Variants in FER1L6 observed in about 807,000 individuals in gnomAD.
FER1L6 encodes fer-1 like family member 6.
In FER1L6, 177 loss-of-function variants were observed where a neutral mutation model predicts 219.2. The ratio of observed to expected loss-of-function variants is 0.81; its 90% CI spans 0.71 to 0.91. FER1L6 has a LOEUF of 0.91. Among genes scored for constraint, FER1L6 ranks in the 40% least tolerant of loss-of-function variants. The probability of loss-of-function intolerance (pLI) is 0.00; values close to 1 mark genes in which losing one functional copy is unlikely to be tolerated. For missense variants in FER1L6, 2,153 were observed against 2,259.9 expected, an observed-to-expected ratio of 0.95 and a Z score of 0.96; for synonymous variants, 768 against 824.3, an observed-to-expected ratio of 0.93 and a Z score of 1.17.
At chr8:123,948,584 A>G (rs1814604979) in intron 1 of FER1L6, among the ~76,000 whole-genome samples, 1 of 152,082 alleles carries the variant, frequency 6.6e-6, no homozygotes, top group Admixed American at 6.5e-5. Flanking sequence ...TGATGCTATT[A>G]TAAAATCTTT....
At chr8:124,052,958 T>C (rs1820119580) in intron 22 of FER1L6, among the ~76,000 whole-genome samples, 1 of 151,926 alleles carries the variant, frequency 6.6e-6, no homozygotes, top group Non-Finnish European at 1.5e-5. Context: ...AAGTGTCGAA[T>C]AAAAAAAATG....
intron 1 of FER1L6, among the ~76,000 whole-genome samples, chr8:123,904,693 C>G (rs890685208): frequency 1.1e-4 from 17 of 152,278 alleles, no homozygotes; most frequent in Admixed American, 1.1e-3. Context: ...GGGTGTCTTC[C>G]ACTGTTACAC....
chr8:124,118,738 C>G (rs1471825434), intron 39 of FER1L6, 106 bp from the exon 40 acceptor site: 27 of 975,542 alleles, frequency 2.8e-5, no homozygotes, highest in Non-Finnish European at 3.3e-5. Context: ...GCGGGATAAT[C>G]AAAATACTTT....
chr8:124,035,352 C>T lies in FER1L6; in HGVS notation c.2362C>T (p.His788Tyr). The T allele has an allele frequency of 6.2e-7, 1 of 1,614,128 alleles. No individual in the cohort carries two copies. The highest frequency in any genetic ancestry group is 1.7e-4 in the Middle Eastern group (1 of 6,056). Reference protein sequence around the residue: ...DVYLWLGSIKHASAILDNLPV... With the variant: ...DVYLWLGSIKYASAILDNLPV... The stretch of plus-strand genomic sequence containing the variant: ...GTACCTGTGGCTGGGCTCCATCAAG[C>T]ATGCCAGTGCCATTTTGGACAACTT... The change falls in exon 19 of 41, where the codon CAT becomes TAT. Residue 788 changes from histidine to tyrosine, a missense_variant. Physicochemically the swap from His to Tyr is moderately conservative, Grantham distance 83 (BLOSUM62 2). Coordinates refer to ENST00000522917, the MANE Select transcript of FER1L6 (RefSeq NM_001039112.2).
Position 124,097,238 on chromosome 8 carries a change from A to G in FER1L6, c.4696-33A>G, listed in dbSNP as rs571762835. 3 of 1,560,700 alleles carry G rather than the reference A, an allele frequency of 1.9e-6. No homozygotes were observed. In the Admixed American group the frequency reaches 5.0e-5, roughly 26 times the overall value. On this transcript the variant is annotated intron_variant, in intron 35 of 40. Coordinates refer to ENST00000522917, the MANE Select transcript of FER1L6 (RefSeq NM_001039112.2). Reference sequence around the variant, plus strand: ...TACCCATGTCCCCTAGCCCCCTCCCAAAGCTAAAGAAGATATTTTTTTTCT... The same window carrying G: ...TACCCATGTCCCCTAGCCCCCTCCCGAAGCTAAAGAAGATATTTTTTTTCT...
chr8:124,017,538 G>C (rs1818253386), intron 15 of FER1L6, 90 bp from the exon 16 acceptor site: 1 of 979,452 alleles, frequency 1.0e-6, no homozygotes, highest in Non-Finnish European at 1.6e-6. Context: ...GCTTTCCACT[G>C]TATTGCAGAA....
chr8:123,886,037 CA>C (rs1328528767), intron 1 of FER1L6, among the ~76,000 whole-genome samples: 6 of 152,192 alleles, frequency 3.9e-5, no homozygotes, highest in Non-Finnish European at 8.8e-5. Flanking sequence ...TTCCCTTTGC[CA>C]TTTGCCTTGA....
intron 1 of FER1L6, among the ~76,000 whole-genome samples, chr8:123,880,505 G>T (rs1301590029): frequency 6.6e-6 from 1 of 152,164 alleles, no homozygotes; most frequent in African/African-American, 2.4e-5. Context: ...ACTTGCTCCA[G>T]TTCCCACTGA....
intron 32 of FER1L6, among the ~76,000 whole-genome samples, chr8:124,078,950 T>C (rs1295149207): frequency 1.3e-5 from 2 of 152,220 alleles, no homozygotes; most frequent in African/African-American, 4.8e-5. Flanking sequence ...TGTTCTGGGA[T>C]GCTTCCTTCT....
At position 124,060,568 on chromosome 8, in the gene FER1L6, G is replaced by C. The variant is rs1315890286; in HGVS notation, c.3006G>C (p.Arg1002=). 1 of 1,613,926 alleles carries C rather than the reference G, an allele frequency of 6.2e-7. No individual in the cohort carries two copies. Among genetic ancestry groups the C allele is most frequent in the African/African-American group, 1.3e-5 (1 of 74,894 alleles). ...YRVEVLFWGV[R]EMKKVQLLSV... is the part of the protein sequence containing the mutation. ...CTCAGGTTCTCTTCTGGGGAGTTCG[G>C]GAAATGAAGAAGGTGCAGCTCCTCT... The change falls in exon 24 of 41, where the codon CGG becomes CGC. Residue 1002 remains arginine (R), a synonymous_variant. Transcript: ENST00000522917.
At chr8:123,962,683 T>C (rs746647526) in intron 2 of FER1L6, among the ~76,000 whole-genome samples, 1 of 152,206 alleles carries the variant, frequency 6.6e-6, no homozygotes, top group Non-Finnish European at 1.5e-5. Context: ...TAGAGTGAAG[T>C]GGCGCGATCT....
chr8:123,860,526 T>C (rs1816728153), intron 1 of FER1L6, among the ~76,000 whole-genome samples: 1 of 120,188 alleles, frequency 8.3e-6, no homozygotes. Flanking sequence ...AAATGGTATT[T>C]CTACTTCTAG....
rs144420068 is a variant in FER1L6 at position 123,977,270 on chromosome 8, G to A, written c.871-147G>A. The A allele has an allele frequency of 1.9e-3, 1,351 of 724,184 alleles. 13 individuals are homozygous for A. In the African/African-American group the frequency reaches 0.021, roughly 11 times the overall value. 44.9% of individuals were successfully genotyped at this position (724,184 alleles called of 1,614,324 possible). Reference sequence around the variant, plus strand: ...CAGCATAGAGCAGGTCATCAGTCACGTTCGCTGAGTGTAACTGATTTTCGT... The same window carrying A: ...CAGCATAGAGCAGGTCATCAGTCACATTCGCTGAGTGTAACTGATTTTCGT... On this transcript the variant is annotated intron_variant, in intron 9 of 40. Coordinates refer to ENST00000522917, the MANE Select transcript of FER1L6 (RefSeq NM_001039112.2).
At chr8:123,889,780 T>A (rs1217976723) in intron 1 of FER1L6, among the ~76,000 whole-genome samples, 3 of 152,086 alleles carry the variant, frequency 2.0e-5, no homozygotes. Flanking sequence ...GAGGGAGAGA[T>A]GTAATGAAAG....
chr8:123,898,827 A>ATATATACATACATATGTGTATG (rs1282960824), intron 1 of FER1L6, among the ~76,000 whole-genome samples: 347 of 135,156 alleles, frequency 2.6e-3, no homozygotes, highest in African/African-American at 8.8e-3. Flanking sequence ...ATATGTGTAT[A>ATATATACATACATATGTGTATG]TATATATATA....
intron 1 of FER1L6, among the ~76,000 whole-genome samples, chr8:123,949,434 A>C (rs558454022): frequency 6.6e-6 from 1 of 152,332 alleles, no homozygotes; most frequent in Non-Finnish European, 1.5e-5. Context: ...ATTTGTAATA[A>C]AATCTGTTAT....
At chr8:123,997,095 C>T (rs1163415301) in intron 12 of FER1L6, among the ~76,000 whole-genome samples, 1 of 152,080 alleles carries the variant, frequency 6.6e-6, no homozygotes, top group South Asian at 2.1e-4. Flanking sequence ...CTTACTATTA[C>T]CAGTGAGTTT....
chr8:124,108,249 T>G (rs1208879938), intron 39 of FER1L6, among the ~76,000 whole-genome samples: 1 of 152,176 alleles, frequency 6.6e-6, no homozygotes. Context: ...AAAACCATCT[T>G]GGGTTCAAAG....
chr8:123,970,158 ACT>A lies in FER1L6; in HGVS notation c.447+66_447+67del. ...GTGGGAGACATTTTGGGCATTGGGG[ACT>A]CTCTGGGACAACTCAGCATACTTAG... On this transcript the variant is annotated intron_variant, in intron 6 of 40. Coordinates refer to ENST00000522917, the MANE Select transcript of FER1L6 (RefSeq NM_001039112.2). The A allele has an allele frequency of 2.8e-6, 4 of 1,418,670 alleles. No individual in the cohort carries two copies. The African/African-American group carries it at 5.6e-5, about 20-fold the overall frequency. The allele number at this position is 1,418,670 out of a possible 1,614,324, so 87.9% of individuals were successfully genotyped here.
Sources: gnomAD v4.1 joint callset for allele counts (sites outside exome capture counted in the v4.1 genomes callset) on GRCh38, gnomAD v4.1.1 for gene constraint, MANE v1.5 for transcripts, NCBI Gene and HGNC (gene_info 2026-07-23, HGNC 2026-07-21) for gene names.